CLIC2: variants seen among roughly 807,000 people sequenced by gnomAD.
The protein encoded by CLIC2 is chloride intracellular channel protein 2.
Under a neutral mutation model 14.8 loss-of-function variants are expected in CLIC2, and 9 were observed. The ratio of observed to expected loss-of-function variants is 0.61; its 90% CI spans 0.37 to 1.06. The LOEUF (loss-of-function observed/expected upper bound fraction) is 1.06. CLIC2 is among the 50% of genes least tolerant of loss of function. The probability of loss-of-function intolerance (pLI) is 0.01; values close to 1 mark genes in which losing one functional copy is unlikely to be tolerated. For synonymous variants in CLIC2, 61 were observed against 66.3 expected, an observed-to-expected ratio of 0.92 and a Z score of 0.39; for missense variants, 148 against 181.4, an observed-to-expected ratio of 0.82 and a Z score of 1.06.
chrX:155,329,252 A>G (rs1356928263), intron 1 of CLIC2, among the ~76,000 whole-genome samples: 2 of 109,374 alleles, frequency 1.8e-5, no homozygotes, highest in African/African-American at 6.6e-5. Context: ...AAATAACTCT[A>G]TAGGAAAAAA....
chrX:155,287,271 C>T (rs782046287), intron 3 of CLIC2, among the ~76,000 whole-genome samples: 4 of 111,841 alleles, frequency 3.6e-5, no homozygotes, highest in South Asian at 3.8e-4. Flanking sequence ...TGTAGGTGTG[C>T]GGCCTTATTA....
At chrX:155,297,400 G>A (rs183932431) in intron 3 of CLIC2, among the ~76,000 whole-genome samples, 301 of 110,720 alleles carry the variant, frequency 2.7e-3, no homozygotes, top group African/African-American at 9.6e-3. Flanking sequence ...ATGTTTGATA[G>A]AAGAGCAGGG....
At chrX:155,304,873 C>T (rs1456120014) in intron 1 of CLIC2, among the ~76,000 whole-genome samples, 1 of 95,157 alleles carries the variant, frequency 1.1e-5, no homozygotes, top group Non-Finnish European at 2.2e-5. Context: ...CTGGGGGGTG[C>T]CTCCCAGTTA....
rs2075005268 is a variant in CLIC2, at chrX:155,299,038, G to A, written c.165C>T (p.Thr55=). 8.3e-6 allele frequency: 10 copies of A among 1,200,078 alleles called. No homozygotes were observed. Among genetic ancestry groups the A allele is most frequent in the Non-Finnish European group, 1.1e-5 (10 of 885,116 alleles). ...VKFNVTTVDM[T]RKPEELKDLA... ...TAACATGTCCTGATTTCTCTTACCT[G>A]GTCATGTCAACAGTTGTCACATTAA... The change falls in exon 2 of 6, where the codon ACC becomes ACT. Residue 55 remains threonine (T), a splice_region_variant and synonymous_variant. Coordinates refer to ENST00000369449, the MANE Select transcript of CLIC2 (RefSeq NM_001289.6).
At chrX:155,328,489 G>T (rs959445253) in intron 1 of CLIC2, among the ~76,000 whole-genome samples, 3 of 110,651 alleles carry the variant, frequency 2.7e-5, no homozygotes, top group Non-Finnish European at 5.7e-5. Context: ...ATTGATACAA[G>T]AAATTGAAAA....
chrX:155,278,092 A>C, intron 5 of CLIC2, 28 bp from the exon 6 acceptor site: 1 of 1,183,212 alleles, frequency 8.5e-7, no homozygotes, highest in East Asian at 3.0e-5. Flanking sequence ...AAAGAGGAAA[A>C]AGAAGGCATC....
In CLIC2 at chrX:155,334,386, A is replaced by C. The variant is rs201740383; in HGVS notation, c.42T>G (p.Ile14Met). The change falls in exon 1 of 6, where the codon ATT (isoleucine) becomes ATG (methionine). Residue 14 changes from isoleucine (I) to methionine (M), a missense_variant. Transcript: ENST00000369449. Reference sequence around the variant, plus strand: ...GAAAACTTACCTTTACAAAAAGCTCAATCTCAGGGTCCACTTGAGTGCCGG... The same window carrying C: ...GAAAACTTACCTTTACAAAAAGCTCCATCTCAGGGTCCACTTGAGTGCCGG... ...LRPGTQVDPE[I>M]ELFVKAGSDG... 8.3e-7 allele frequency: 1 copy of C among 1,209,183 alleles called. No homozygotes were observed. Among genetic ancestry groups the C allele is most frequent in the Non-Finnish European group, 1.1e-6 (1 of 893,130 alleles).
intron 1 of CLIC2, among the ~76,000 whole-genome samples, chrX:155,308,685 A>G (rs2075063962): frequency 1.8e-5 from 2 of 112,507 alleles, no homozygotes; most frequent in East Asian, 2.8e-4. Context: ...CTAATAACAT[A>G]CAATGGCACT....
intron 1 of CLIC2, among the ~76,000 whole-genome samples, chrX:155,301,463 T>C (rs1447551750): frequency 1.8e-5 from 2 of 110,124 alleles, no homozygotes; most frequent in Non-Finnish European, 3.8e-5. Context: ...GCTTATCAGC[T>C]TAAGGAGATT....
At chrX:155,278,125 A>T in intron 5 of CLIC2, 61 bp from the exon 6 acceptor site, 1 of 1,001,445 alleles carries the variant, frequency 1.0e-6, no homozygotes, top group Non-Finnish European at 1.4e-6. Context: ...ACTATGTAGA[A>T]ATGTTTCTTA....
chrX:155,300,693 G>A (rs1557318949), intron 1 of CLIC2, among the ~76,000 whole-genome samples: 1 of 103,161 alleles, frequency 9.7e-6, no homozygotes, highest in Admixed American at 1.1e-4. Context: ...TTTTCTTCTA[G>A]GGTTTTTATG....
intron 1 of CLIC2, among the ~76,000 whole-genome samples, chrX:155,300,147 G>A (rs1329273417): frequency 7.3e-5 from 8 of 109,237 alleles, no homozygotes; most frequent in African/African-American, 2.3e-4. Flanking sequence ...CTGAGGAATC[G>A]CCACACTGAC....
At chrX:155,280,990 G>GATATATATATATATATATATATAT (rs373277985) in intron 3 of CLIC2, among the ~76,000 whole-genome samples, 5 of 89,878 alleles carry the variant, frequency 5.6e-5, no homozygotes, top group African/African-American at 1.6e-4. Flanking sequence ...GAAATTGTGA[G>GATATATATATATATATATATATAT]ATATATATAT....
intron 1 of CLIC2, among the ~76,000 whole-genome samples, chrX:155,318,791 C>T (rs1298695105): frequency 8.9e-6 from 1 of 111,948 alleles, no homozygotes; most frequent in Admixed American, 9.5e-5. Flanking sequence ...GGAGGCATCT[C>T]ATTACCCGAC....
chrX:155,281,204 G>A (rs1557316428), intron 3 of CLIC2, among the ~76,000 whole-genome samples: 1 of 108,297 alleles, frequency 9.2e-6, no homozygotes, highest in African/African-American at 3.4e-5. Flanking sequence ...AGTGATTACC[G>A]GGGCAGTGGG....
chrX:155,297,668 T>G (rs1213860312), intron 3 of CLIC2, among the ~76,000 whole-genome samples: 5 of 91,912 alleles, frequency 5.4e-5, no homozygotes, highest in Non-Finnish European at 4.3e-5. Context: ...CGGTGAAACC[T>G]CATCTCTACT....
At chrX:155,290,168 A>T (rs1240738781) in intron 3 of CLIC2, among the ~76,000 whole-genome samples, 1 of 112,268 alleles carries the variant, frequency 8.9e-6, no homozygotes, top group Non-Finnish European at 1.9e-5. Flanking sequence ...TTCTAGCTTT[A>T]AGTCAAAAAT....
intron 1 of CLIC2, among the ~76,000 whole-genome samples, chrX:155,299,480 T>C (rs1406383375): frequency 9.0e-6 from 1 of 111,645 alleles, no homozygotes; most frequent in African/African-American, 3.3e-5. Context: ...CTTCCACTTC[T>C]GAGATTATAT....
chrX:155,319,781 A>G (rs1266252737), intron 1 of CLIC2, among the ~76,000 whole-genome samples: 3 of 111,909 alleles, frequency 2.7e-5, no homozygotes, highest in African/African-American at 9.7e-5. Flanking sequence ...ATCCCATCCC[A>G]TGGAGCCCAG....
Sources: gnomAD v4.1 joint callset for allele counts (sites outside exome capture counted in the v4.1 genomes callset) on GRCh38, gnomAD v4.1.1 for gene constraint, MANE v1.5 for transcripts, NCBI Gene and HGNC (gene_info 2026-07-23, HGNC 2026-07-21) for gene names.